ARNT2: variants seen among roughly 807,000 people sequenced by gnomAD.
ARNT2 encodes ARNT protein 2.
A neutral mutation model predicts 91.7 loss-of-function variants in ARNT2; 36 were observed. The ratio of observed to expected loss-of-function variants is 0.39; its 90% CI spans 0.30 to 0.52. The LOEUF is 0.52. Ranked by LOEUF, ARNT2 falls within the 20% of genes least tolerant of loss-of-function variation. The probability of loss-of-function intolerance (pLI) is 0.72; values close to 1 mark genes in which losing one functional copy is unlikely to be tolerated. For missense variants in ARNT2, 775 were observed against 939.3 expected (o/e 0.83, Z 2.29); for synonymous variants, 365 against 347.1 (o/e 1.05, Z -0.57).
chr15:80,571,266 G>T lies in ARNT2; in HGVS notation c.1317-2882G>T, dbSNP rs74402834. Among the ~76,000 whole-genome samples, 242 of 152,338 alleles carry T rather than the reference G, an allele frequency of 1.6e-3. 10 individuals are homozygous for T. The East Asian group carries it at 0.042, about 26-fold the overall frequency. On this transcript the variant is annotated intron_variant, in intron 12 of 18. Transcript: ENST00000303329. Reference sequence around the variant, plus strand: ...GAGACTGACCAGTTGCCTGTCAAAAGAAATGATGTACTGGGGGTTGCTGTT... The same window carrying T: ...GAGACTGACCAGTTGCCTGTCAAAATAAATGATGTACTGGGGGTTGCTGTT...
intron 5 of ARNT2, chr15:80,475,520 A>T (rs1415621545): frequency 8.2e-6 from 2 of 244,138 alleles, no homozygotes; most frequent in African/African-American, 4.6e-5. Context: ...AGATTGTGCC[A>T]CTACACTCCA....
intron 1 of ARNT2, among the ~76,000 whole-genome samples, chr15:80,411,515 C>A (rs1479147110): frequency 6.6e-6 from 1 of 152,174 alleles, no homozygotes; most frequent in East Asian, 1.9e-4. Context: ...GAGATTCTGA[C>A]TTTTATTTGT....
chr15:80,509,430 A>T (rs1330180528), intron 6 of ARNT2, among the ~76,000 whole-genome samples: 2 of 152,034 alleles, frequency 1.3e-5, no homozygotes, highest in Non-Finnish European at 2.9e-5. Context: ...TAACAGAGTG[A>T]ATCTCTGTCT....
intron 12 of ARNT2, among the ~76,000 whole-genome samples, chr15:80,568,043 C>A (rs1567003994): frequency 6.6e-6 from 1 of 152,202 alleles, no homozygotes; most frequent in South Asian, 2.1e-4. Context: ...CCAAAAGAAA[C>A]TTCCTGGAGA....
chr15:80,513,996 T>C lies in ARNT2; in HGVS notation c.791+20T>C. Reference sequence around the variant, plus strand: ...GTTCAGGTCAGTATCTCTTCCGATGTATATTTTGGGACTGTTCTGGTAGAT... The same window carrying C: ...GTTCAGGTCAGTATCTCTTCCGATGCATATTTTGGGACTGTTCTGGTAGAT... On this transcript the variant is annotated intron_variant, in intron 7 of 18. Coordinates refer to ENST00000303329, the MANE Select transcript of ARNT2 (RefSeq NM_014862.4). 1.2e-6 allele frequency: 2 copies of C among 1,601,784 alleles called. No homozygotes were observed. The highest frequency in any genetic ancestry group is 1.7e-6 in the Non-Finnish European group (2 of 1,168,928).
intron 15 of ARNT2, among the ~76,000 whole-genome samples, chr15:80,578,459 A>T (rs576587678): frequency 3.8e-4 from 57 of 151,380 alleles, no homozygotes; most frequent in African/African-American, 1.3e-3. Flanking sequence ...CTCACACTGG[A>T]CTGTCTGCCC....
chr15:80,575,659 G>A (rs985978887), intron 14 of ARNT2, among the ~76,000 whole-genome samples: 2 of 152,328 alleles, frequency 1.3e-5, no homozygotes, highest in Non-Finnish European at 2.9e-5. Flanking sequence ...ACCATTCTGC[G>A]GTGGCAGAAA....
At chr15:80,581,094 C>A in intron 16 of ARNT2, 145 bp from the exon 17 acceptor site, 3 of 985,660 alleles carry the variant, frequency 3.0e-6, no homozygotes, top group Non-Finnish European at 4.6e-6. Flanking sequence ...TGATCCCAGG[C>A]CTGTGCCTAG....
intron 12 of ARNT2, among the ~76,000 whole-genome samples, chr15:80,566,560 C>T (rs2141470614): frequency 6.6e-6 from 1 of 152,326 alleles, no homozygotes; most frequent in South Asian, 2.1e-4. Flanking sequence ...GCCAACCCAC[C>T]AAAGCTCCCC....
At position 80,404,414 on chromosome 15, in the gene ARNT2, C is replaced by A. The variant is rs2141547098; in HGVS notation, c.-102C>A. 1 of 713,082 alleles carries A rather than the reference C, an allele frequency of 1.4e-6. No individual in the cohort carries two copies. The allele number at this position is 713,082 out of a possible 1,614,324, so 44.2% of individuals were successfully genotyped here. A position where few individuals can be genotyped will look rare whatever the true frequency, so the allele number is the denominator to read the frequency against. ...GCCCGCGCCGTCCTTTGTGTGGCGG[C>A]GGCGGCGCCTGGGCCTGACCGGGTC... On this transcript the variant is annotated 5_prime_UTR_variant, in exon 1 of 19. Transcript: ENST00000303329. The surrounding 1 kb of genome is among the most constrained non-coding windows in gnomAD (Gnocchi z 5.5).
chr15:80,580,067 T>A (rs998885084), intron 15 of ARNT2: 2 of 206,106 alleles, frequency 9.7e-6, no homozygotes, highest in African/African-American at 4.5e-5. Context: ...TCTAAGAAGC[T>A]TCTCTCTTTC....
At chr15:80,496,659 G>A (rs1355080004) in intron 5 of ARNT2, among the ~76,000 whole-genome samples, 1 of 152,186 alleles carries the variant, frequency 6.6e-6, no homozygotes, top group African/African-American at 2.4e-5. Flanking sequence ...CTAGGGGAGG[G>A]CCTGTGTTTA....
At chr15:80,425,699 C>A (rs1470874065) in intron 1 of ARNT2, among the ~76,000 whole-genome samples, 1 of 151,930 alleles carries the variant, frequency 6.6e-6, no homozygotes, top group Non-Finnish European at 1.5e-5. Context: ...TCCCCTCACC[C>A]TCCACCTGTT....
At chr15:80,411,460 A>G (rs1483037248) in intron 1 of ARNT2, among the ~76,000 whole-genome samples, 2 of 152,180 alleles carry the variant, frequency 1.3e-5, no homozygotes, top group African/African-American at 2.4e-5. Context: ...CATATATCCT[A>G]TATTTGTGGG....
intron 5 of ARNT2, among the ~76,000 whole-genome samples, chr15:80,486,262 G>A (rs891351780): frequency 6.6e-6 from 1 of 152,136 alleles, no homozygotes; most frequent in East Asian, 1.9e-4. Context: ...TATCTACAAA[G>A]ACTTTCTTTC....
chr15:80,507,041 CA>C (rs1218182094), intron 5 of ARNT2, among the ~76,000 whole-genome samples: 1 of 152,120 alleles, frequency 6.6e-6, no homozygotes, highest in Non-Finnish European at 1.5e-5. Context: ...GGCTGGACAC[CA>C]AAAGGGGGCA....
chr15:80,581,115 G>T, intron 16 of ARNT2, 124 bp from the exon 17 acceptor site: 1 of 1,182,710 alleles, frequency 8.5e-7, no homozygotes. Flanking sequence ...CCAGACAAGA[G>T]GGTCATGGGG....
chr15:80,589,276 T>A (rs184809367), intron 17 of ARNT2, among the ~76,000 whole-genome samples: 1 of 151,470 alleles, frequency 6.6e-6, no homozygotes, highest in East Asian at 1.9e-4. Context: ...ACTCTTCAAA[T>A]GCCTATTGGA....
chr15:80,572,585 A>G (rs1169785430), intron 12 of ARNT2, among the ~76,000 whole-genome samples: 1 of 151,950 alleles, frequency 6.6e-6, no homozygotes, highest in Non-Finnish European at 1.5e-5. Flanking sequence ...CAGTTCCTCC[A>G]TGGGGTTCCC....
Sources: gnomAD v4.1 joint callset for allele counts (sites outside exome capture counted in the v4.1 genomes callset) on GRCh38, gnomAD v4.1.1 for gene constraint, Gnocchi (gnomAD v3.1) non-coding constraint, MANE v1.5 for transcripts, NCBI Gene and HGNC (gene_info 2026-07-23, HGNC 2026-07-21) for gene names.